The following PDE12 variants were observed in gnomAD, a reference collection of about 807,000 sequenced individuals.
The protein encoded by PDE12 is phosphodiesterase 12, also known as 2',5'-phosphodiesterase 12.
Under a neutral mutation model 45.4 loss-of-function variants are expected in PDE12, and 26 were observed. The observed-to-expected ratio is 0.57, with a 90% confidence interval of 0.42 to 0.79. The LOEUF is 0.79. Ranked by LOEUF, PDE12 falls within the 30% of genes least tolerant of loss-of-function variation. The pLI, the probability that PDE12 is intolerant of heterozygous loss-of-function variation, is 0.00. For synonymous variants in PDE12, 283 were observed against 323.9 expected (o/e 0.87, Z 1.36); for missense variants, 668 against 790.0 (o/e 0.85, Z 1.85).
the PDE12 span, among the ~76,000 whole-genome samples, chr3:57,585,239 T>C: frequency 6.6e-6 from 1 of 152,342 alleles, no homozygotes; most frequent in South Asian, 2.1e-4. Flanking sequence ...TCTTAAGATT[T>C]GTAAAAATAT....
At chr3:57,607,839 C>A in the PDE12 span, among the ~76,000 whole-genome samples, 7 of 152,086 alleles carry the variant, frequency 4.6e-5, no homozygotes. Context: ...GAGAACTTCC[C>A]CAACCTAGCA....
At chr3:57,598,079 A>G in the PDE12 span, 1 of 152,138 alleles carries the variant, frequency 6.6e-6, no homozygotes, top group African/African-American at 2.4e-5. Context: ...CTTTTCTTGT[A>G]CTTTTTTTCC....
Position 57,556,785 on chromosome 3 carries a change from G to A in PDE12, c.406G>A (p.Val136Met). 1 of 1,611,366 alleles carries A rather than the reference G, an allele frequency of 6.2e-7. No homozygotes were observed. The highest frequency in any genetic ancestry group is 2.2e-5 in the East Asian group (1 of 44,824). Residue 136 changes from valine (V) to methionine (M), a missense_variant, in exon 1 of 3, where the codon GTG becomes ATG. This residue lies in a region of PDE12 where 580 missense variants were observed against 662.9 expected (regional missense o/e 0.87). Coordinates refer to ENST00000311180, the MANE Select transcript of PDE12 (RefSeq NM_177966.7). The surrounding 1 kb of genome is among the most constrained non-coding windows in gnomAD (Gnocchi z 5.0). ...YYREEAVAEDVLNVDAWQDGA... is the reference protein window; with the variant it reads ...YYREEAVAEDMLNVDAWQDGA... ...CCGGGAAGAGGCAGTGGCTGAGGACGTGCTCAACGTGGATGCCTGGCAAGA... is the reference window on the plus strand; with the variant it reads ...CCGGGAAGAGGCAGTGGCTGAGGACATGCTCAACGTGGATGCCTGGCAAGA...
chr3:57,583,831 T>C, the PDE12 span: 1 of 1,079,576 alleles, frequency 9.3e-7, no homozygotes. Flanking sequence ...AAATACTAGA[T>C]ACTAATAAAA....
chr3:57,557,351 C>T lies in PDE12; in HGVS notation c.972C>T (p.Tyr324=), dbSNP rs765985693. ...TTCTGTACCCATACTGTGCCCCCTACGCCCTGGAGCTCGACTACCGCCAGA... is the reference window on the plus strand; with the variant it reads ...TTCTGTACCCATACTGTGCCCCCTATGCCCTGGAGCTCGACTACCGCCAGA... The part of the protein sequence containing the change: ...RTVLYPYCAP[Y]ALELDYRQNL... Residue 324 remains tyrosine, a synonymous_variant, in exon 1 of 3, where the codon TAC becomes TAT. Transcript: ENST00000311180. 1.9e-6 allele frequency: 3 copies of T among 1,613,834 alleles called. No individual in the cohort carries two copies. The highest frequency in any genetic ancestry group is 2.2e-5 in the East Asian group (1 of 44,872).
chr3:57,649,626 G>C, the PDE12 span, among the ~76,000 whole-genome samples: 2 of 98,852 alleles, frequency 2.0e-5, no homozygotes, highest in Non-Finnish European at 4.0e-5. Flanking sequence ...ATCAATCAAT[G>C]AGTGAAAAAA....
chr3:57,617,951 C>G, the PDE12 span, among the ~76,000 whole-genome samples: 3 of 151,874 alleles, frequency 2.0e-5, no homozygotes, highest in Non-Finnish European at 1.5e-5. Context: ...ACTATATACC[C>G]ATAAAAAAGA....
chr3:57,644,802 TGGGGAGGGGA>T, the PDE12 span, among the ~76,000 whole-genome samples: 3 of 1,248 alleles, frequency 2.4e-3, no homozygotes, highest in Non-Finnish European at 4.2e-3. Context: ...AGGGGAGGGG[TGGGGAGGGGA>T]GGGGAGGGGG....
chr3:57,605,868 G>A, the PDE12 span, among the ~76,000 whole-genome samples: 3 of 151,938 alleles, frequency 2.0e-5, no homozygotes, highest in Non-Finnish European at 4.4e-5. Context: ...TACACTAGAT[G>A]GAATTAACAG....
At chr3:57,586,253 G>A in the PDE12 span, among the ~76,000 whole-genome samples, 4 of 151,754 alleles carry the variant, frequency 2.6e-5, no homozygotes, top group South Asian at 2.1e-4. Context: ...TTTTTGTATC[G>A]ATTCAATCAA....
chr3:57,653,744 T>TAAAAA, the PDE12 span, among the ~76,000 whole-genome samples: 1 of 84,718 alleles, frequency 1.2e-5, no homozygotes, highest in Non-Finnish European at 2.3e-5. Context: ...AGACTCCATC[T>TAAAAA]AAAAAAAAAA....
the PDE12 span, among the ~76,000 whole-genome samples, chr3:57,601,397 C>A: frequency 2.6e-5 from 4 of 152,148 alleles, no homozygotes; most frequent in African/African-American, 9.7e-5. Flanking sequence ...GTGTGAGCCA[C>A]CGCGCCCAGC....
the PDE12 span, among the ~76,000 whole-genome samples, chr3:57,583,263 A>G: frequency 6.6e-6 from 1 of 152,290 alleles, no homozygotes; most frequent in South Asian, 2.1e-4. Context: ...ATTAAAGTTT[A>G]AGAAACACTA....
chr3:57,585,957 C>T, the PDE12 span, among the ~76,000 whole-genome samples: 2 of 151,896 alleles, frequency 1.3e-5, no homozygotes, highest in African/African-American at 4.8e-5. Context: ...CCACTGTGTC[C>T]GGCCTAAATT....
the PDE12 span, among the ~76,000 whole-genome samples, chr3:57,604,633 GACAGA>G: frequency 1.9e-5 from 1 of 52,916 alleles, no homozygotes; most frequent in African/African-American, 1.1e-4. Context: ...GGGTGGGTGG[GACAGA>G]GTCTCACTCT....
downstream of PDE12, among the ~76,000 whole-genome samples, chr3:57,569,122 T>C (rs753838862): frequency 1.3e-5 from 2 of 152,212 alleles, no homozygotes; most frequent in Admixed American, 6.5e-5. Flanking sequence ...ACAGTAAGCA[T>C]TGAATCTTGA....
chr3:57,654,114 ATT>A, the PDE12 span, among the ~76,000 whole-genome samples: 3 of 139,720 alleles, frequency 2.1e-5, no homozygotes, highest in Admixed American at 7.2e-5. Flanking sequence ...CGCCCGGCTA[ATT>A]TTTTTTTTTT....
At chr3:57,596,320 A>AT in the PDE12 span, among the ~76,000 whole-genome samples, 5 of 152,222 alleles carry the variant, frequency 3.3e-5, no homozygotes, top group African/African-American at 7.2e-5. Flanking sequence ...CGTTTCTAAA[A>AT]TTTTTTTGCA....
At position 57,557,077 on chromosome 3, in the gene PDE12, G is replaced by T; in HGVS notation, c.698G>T (p.Arg233Leu). ...SSWTETDVEE[R>L]VYTPSNADIG... ...TGGACTGAGACTGATGTGGAGGAGC[G>T]TGTCTACACCCCGTCCAATGCCGAC... Residue 233 changes from arginine (R) to leucine (L), a missense_variant, in exon 1 of 3, where the codon CGT (arginine) becomes CTT (leucine). Coordinates refer to ENST00000311180, the MANE Select transcript of PDE12 (RefSeq NM_177966.7). 6.2e-7 allele frequency: 1 copy of T among 1,613,982 alleles called. No homozygotes were observed. Among genetic ancestry groups the T allele is most frequent in the Non-Finnish European group, 8.5e-7 (1 of 1,180,002 alleles).
Sources: allele counts gnomAD v4.1 joint callset (sites outside exome capture counted in the v4.1 genomes callset), GRCh38; gene constraint gnomAD v4.1.1; regional missense constraint gnomAD v4.1.1; non-coding constraint Gnocchi (gnomAD v3.1); transcripts MANE v1.5; gene names NCBI Gene and HGNC (gene_info 2026-07-23, HGNC 2026-07-21).